CADM2: variants seen among roughly 807,000 people sequenced by gnomAD.
The protein encoded by CADM2 is cell adhesion molecule 2.
Under a neutral mutation model 49.8 loss-of-function variants are expected in CADM2, and 12 were observed. The ratio of observed to expected loss-of-function variants is 0.24; its 90% CI spans 0.15 to 0.39. CADM2 has a LOEUF of 0.39. Among genes scored for constraint, CADM2 ranks in the 10% least tolerant of loss-of-function variants. The probability of loss-of-function intolerance (pLI) is 1.00; values close to 1 mark genes in which losing one functional copy is unlikely to be tolerated. For missense variants in CADM2, 378 were observed against 492.3 expected, an observed-to-expected ratio of 0.77 and a Z score of 2.20; for synonymous variants, 214 against 175.4, an observed-to-expected ratio of 1.22 and a Z score of -1.74.
At chr3:85,516,558 A>G (rs79751869) in intron 1 of CADM2, among the ~76,000 whole-genome samples, 3,209 of 152,208 alleles carry the variant, frequency 0.021, 55 homozygotes, top group Middle Eastern at 0.054. Flanking sequence ...TAGTAATACA[A>G]CCATTAGTTT....
At chr3:85,936,649 A>G (rs1032078892) in intron 7 of CADM2, among the ~76,000 whole-genome samples, 1 of 151,816 alleles carries the variant, frequency 6.6e-6, no homozygotes, top group Admixed American at 6.6e-5. Context: ...TTCTTTGTAT[A>G]TAACTATATG....
rs189441529 is a variant in CADM2 at position 85,174,893 on chromosome 3, T to A, written c.61+215225T>A. The stretch of plus-strand genomic sequence containing the variant: ...CTGTGTGATTCTAGACACAAGAGAT[T>A]GTTGTTAAAACTCGACAATAACAGC... On this transcript the variant is annotated intron_variant, in intron 1 of 9. Coordinates refer to ENST00000383699, the MANE Select transcript of CADM2 (RefSeq NM_001167675.2). Among the ~76,000 whole-genome samples the A allele has an allele frequency of 2.4e-3, 359 of 152,280 alleles. 2 individuals carry two copies. The highest frequency in any genetic ancestry group is 0.021 in the Admixed American group (326 of 15,292).
At chr3:85,139,666 A>T (rs538183122) in intron 1 of CADM2, among the ~76,000 whole-genome samples, 5 of 152,186 alleles carry the variant, frequency 3.3e-5, no homozygotes, top group Non-Finnish European at 7.3e-5. Flanking sequence ...TATGAAAAAA[A>T]GCCATGTAAT....
At chr3:85,539,914 G>A (rs1028761382) in intron 1 of CADM2, among the ~76,000 whole-genome samples, 1 of 152,076 alleles carries the variant, frequency 6.6e-6, no homozygotes, top group Admixed American at 6.6e-5. Flanking sequence ...GAAATGTCAT[G>A]TAGAAAGTTC....
chr3:85,777,873 G>C (rs1268374549), intron 2 of CADM2, among the ~76,000 whole-genome samples: 1 of 152,148 alleles, frequency 6.6e-6, no homozygotes, highest in Non-Finnish European at 1.5e-5. Flanking sequence ...TTTTCGTGAA[G>C]CAAACTCTAA....
chr3:85,442,231 T>C (rs2037235451), intron 1 of CADM2, among the ~76,000 whole-genome samples: 1 of 152,056 alleles, frequency 6.6e-6, no homozygotes, highest in Non-Finnish European at 1.5e-5. Context: ...TGATGTTCTT[T>C]CCTTGTTGCT....
chr3:85,656,703 C>T (rs1459675617), intron 1 of CADM2, among the ~76,000 whole-genome samples: 1 of 151,850 alleles, frequency 6.6e-6, no homozygotes, highest in African/African-American at 2.4e-5. Context: ...AATATTCAGA[C>T]TGTTAGAATT....
intron 1 of CADM2, among the ~76,000 whole-genome samples, chr3:85,117,228 GA>G (rs767054251): frequency 7.3e-6 from 1 of 136,324 alleles, no homozygotes; most frequent in South Asian, 2.3e-4. Flanking sequence ...CTCAAAAAAA[GA>G]AAAAAAAGAG....
intron 1 of CADM2, among the ~76,000 whole-genome samples, chr3:85,393,807 A>G (rs1398863947): frequency 6.6e-6 from 1 of 152,024 alleles, no homozygotes; most frequent in Non-Finnish European, 1.5e-5. Flanking sequence ...AAAATATATT[A>G]TTGTTTTTAA....
At chr3:85,244,444 A>G (rs1180262356) in intron 1 of CADM2, among the ~76,000 whole-genome samples, 1 of 152,240 alleles carries the variant, frequency 6.6e-6, no homozygotes, top group East Asian at 1.9e-4. Context: ...CAGGTTAAAT[A>G]ACATTAGATA....
intron 3 of CADM2, among the ~76,000 whole-genome samples, chr3:85,830,053 G>A (rs1367822876): frequency 1.3e-5 from 2 of 151,900 alleles, no homozygotes; most frequent in Non-Finnish European, 2.9e-5. Context: ...CTGACCCATA[G>A]GGTAGTTTTA....
intron 1 of CADM2, among the ~76,000 whole-genome samples, chr3:85,353,004 G>A (rs2031499309): frequency 6.6e-6 from 1 of 152,080 alleles, no homozygotes; most frequent in East Asian, 1.9e-4. Flanking sequence ...TTACAGGTAT[G>A]AATTCCTGAA....
At chr3:85,534,382 C>T (rs2061382315) in intron 1 of CADM2, among the ~76,000 whole-genome samples, 1 of 152,134 alleles carries the variant, frequency 6.6e-6, no homozygotes, top group South Asian at 2.1e-4. Context: ...AGCCATATTT[C>T]GAGTCCTCTA....
At position 85,914,916 on chromosome 3, in the gene CADM2, G is replaced by C. The variant is rs181331180; in HGVS notation, c.700+2373G>C. ...AATATTGTAGGTTTGCTATTATAAA[G>C]ACACAGTAGTTAATTTTGCTAATTT... On this transcript the variant is annotated intron_variant, in intron 6 of 9. Transcript: ENST00000383699. Among the ~76,000 whole-genome samples the C allele has an allele frequency of 3.9e-5, 6 of 152,250 alleles. No individual in the cohort carries two copies. The East Asian group carries it at 1.2e-3, about 29-fold the overall frequency.
At chr3:85,274,642 G>A (rs1198734575) in intron 1 of CADM2, among the ~76,000 whole-genome samples, 1 of 151,358 alleles carries the variant, frequency 6.6e-6, no homozygotes, top group Non-Finnish European at 1.5e-5. Context: ...TTTTAGAATA[G>A]GACATCTTTC....
At chr3:85,443,292 CT>C (rs1011583654) in intron 1 of CADM2, among the ~76,000 whole-genome samples, 1 of 152,106 alleles carries the variant, frequency 6.6e-6, no homozygotes. Context: ...GGAAAACATA[CT>C]TTGCTGAATT....
At chr3:85,527,132 T>A (rs1559887348) in intron 1 of CADM2, among the ~76,000 whole-genome samples, 1 of 152,114 alleles carries the variant, frequency 6.6e-6, no homozygotes, top group East Asian at 2.0e-4. Context: ...ACACCTGTAA[T>A]CACAGCACCG....
At chr3:85,944,678 T>A (rs923317504) in intron 7 of CADM2, among the ~76,000 whole-genome samples, 3 of 151,974 alleles carry the variant, frequency 2.0e-5, no homozygotes, top group African/African-American at 4.8e-5. Flanking sequence ...GAATGACTAC[T>A]GGGTACATAA....
chr3:85,866,828 T>TAAATAC (rs1663630343), intron 3 of CADM2, among the ~76,000 whole-genome samples: 1 of 152,098 alleles, frequency 6.6e-6, no homozygotes, highest in African/African-American at 2.4e-5. Context: ...ATTGTACATA[T>TAAATAC]ACATACACAC....
Sources: allele counts gnomAD v4.1 joint callset (sites outside exome capture counted in the v4.1 genomes callset), GRCh38; gene constraint gnomAD v4.1.1; transcripts MANE v1.5; gene names NCBI Gene and HGNC (gene_info 2026-07-23, HGNC 2026-07-21).